NALF1: variants seen among roughly 807,000 people sequenced by gnomAD.
The protein encoded by NALF1 is NALCN channel auxiliary factor 1.
Under a neutral mutation model 48.4 loss-of-function variants are expected in NALF1, and 3 were observed. That is an observed-to-expected ratio of 0.06 (90% CI 0.03 to 0.16). The LOEUF (loss-of-function observed/expected upper bound fraction) is 0.16. NALF1 is among the 10% of genes least tolerant of loss of function. The probability of loss-of-function intolerance (pLI) is 1.00; values close to 1 mark genes in which losing one functional copy is unlikely to be tolerated. For synonymous variants in NALF1, 262 were observed against 245.7 expected, an observed-to-expected ratio of 1.07 and a Z score of -0.62; for missense variants, 526 against 571.5, an observed-to-expected ratio of 0.92 and a Z score of 0.81.
intron 1 of NALF1, among the ~76,000 whole-genome samples, chr13:107,500,845 A>G (rs1476015232): frequency 6.6e-6 from 1 of 151,942 alleles, no homozygotes; most frequent in African/African-American, 2.4e-5. Flanking sequence ...TCAGCAAACT[A>G]TTGCAAGAAC....
intron 1 of NALF1, chr13:107,466,283 A>G (rs1377090422): frequency 6.6e-6 from 1 of 152,334 alleles, no homozygotes; most frequent in South Asian, 2.1e-4. Flanking sequence ...CTGCCAAACC[A>G]TATCAATGAC....
intron 1 of NALF1, among the ~76,000 whole-genome samples, chr13:107,266,843 A>C (rs1881049010): frequency 6.6e-6 from 1 of 152,220 alleles, no homozygotes; most frequent in African/African-American, 2.4e-5. Context: ...GTTCACCATG[A>C]GTATTTCCCA....
chr13:107,755,790 T>C (rs1191853618), intron 1 of NALF1, among the ~76,000 whole-genome samples: 1 of 152,112 alleles, frequency 6.6e-6, no homozygotes, highest in Non-Finnish European at 1.5e-5. Flanking sequence ...ATGGCATCAT[T>C]TGTCTCATAA....
chr13:107,562,795 T>C (rs1487759705), intron 1 of NALF1, among the ~76,000 whole-genome samples: 1 of 152,236 alleles, frequency 6.6e-6, no homozygotes, highest in Non-Finnish European at 1.5e-5. Context: ...AGGAGTACCA[T>C]GCAATAATCT....
At chr13:107,790,720 T>C (rs1168910279) in intron 1 of NALF1, among the ~76,000 whole-genome samples, 1 of 152,210 alleles carries the variant, frequency 6.6e-6, no homozygotes, top group Non-Finnish European at 1.5e-5. Flanking sequence ...CCAAGGAGTG[T>C]TAATTTTTAG....
At chr13:107,845,230 G>A (rs1408153798) in intron 1 of NALF1, among the ~76,000 whole-genome samples, 1 of 152,134 alleles carries the variant, frequency 6.6e-6, no homozygotes, top group Non-Finnish European at 1.5e-5. Flanking sequence ...ATGAAAGATT[G>A]CTAATTCCAT....
chr13:107,663,253 CA>C (rs1162841869), intron 1 of NALF1, among the ~76,000 whole-genome samples: 1 of 152,152 alleles, frequency 6.6e-6, no homozygotes, highest in Non-Finnish European at 1.5e-5. Flanking sequence ...TTCATAACAG[CA>C]CATAAAATTC....
rs537896992 is a variant in NALF1 at position 107,465,566 on chromosome 13, G to A, written c.916-254811C>T. Among the ~76,000 whole-genome samples, 3 of 152,146 alleles carry A rather than the reference G, an allele frequency of 2.0e-5. No individual in the cohort carries two copies. In the South Asian group the frequency reaches 6.2e-4, roughly 32 times the overall value. On this transcript the variant is annotated intron_variant, in intron 1 of 2. Transcript: ENST00000375915. ...TCACTGGTATATATAATGTGCTAAT[G>A]CATTCCTTATGTAATGAGCTTCATT...
At position 107,703,811 on chromosome 13, in the gene NALF1, A is replaced by G. The variant is rs140788212; in HGVS notation, c.915+161871T>C. Among the ~76,000 whole-genome samples the G allele has an allele frequency of 4.3e-3, 650 of 151,484 alleles. 17 individuals are homozygous for G. Among genetic ancestry groups the G allele is most frequent in the East Asian group, 0.017 (89 of 5,156 alleles). The stretch of plus-strand genomic sequence containing the variant: ...CTCTCTTTCCTGCCCTGTCCGTGAA[A>G]CCCCCTGTTCCCTACATTTCTTGCA... On this transcript the variant is annotated intron_variant, in intron 1 of 2. Transcript: ENST00000375915.
chr13:107,301,526 T>G (rs1322290482), intron 1 of NALF1, among the ~76,000 whole-genome samples: 1 of 152,184 alleles, frequency 6.6e-6, no homozygotes, highest in Admixed American at 6.5e-5. Flanking sequence ...CCTCCGAGAT[T>G]ACTATGTAAA....
intron 1 of NALF1, among the ~76,000 whole-genome samples, chr13:107,768,056 T>G (rs114300226): frequency 0.042 from 6,341 of 152,212 alleles, 175 homozygotes; most frequent in Middle Eastern, 0.11. Flanking sequence ...AATGCAAACC[T>G]CAGCGCCCTC....
rs116266010 is a variant in NALF1 at position 107,631,399 on chromosome 13, G to A, written c.915+234283C>T. ...TCTGAGAATATAAAACTATAATAAT[G>A]AGTCATATATTTTAAATGGGGAAAA... On this transcript the variant is annotated intron_variant, in intron 1 of 2. Coordinates refer to ENST00000375915, the MANE Select transcript of NALF1 (RefSeq NM_001080396.3). Among the ~76,000 whole-genome samples the A allele has an allele frequency of 2.9e-3, 444 of 152,146 alleles. 3 individuals are homozygous for A. Among genetic ancestry groups the A allele is most frequent in the African/African-American group, 0.01 (425 of 41,486 alleles).
intron 1 of NALF1, among the ~76,000 whole-genome samples, chr13:107,791,751 G>C (rs1878240851): frequency 6.6e-6 from 1 of 150,952 alleles, no homozygotes; most frequent in Non-Finnish European, 1.5e-5. Flanking sequence ...AGGAGTTCCA[G>C]ACCAGCCTGG....
At chr13:107,329,340 T>C (rs1882423915) in intron 1 of NALF1, among the ~76,000 whole-genome samples, 1 of 152,116 alleles carries the variant, frequency 6.6e-6, no homozygotes, top group Non-Finnish European at 1.5e-5. Flanking sequence ...TAATAACAAA[T>C]GTTGTGAAAG....
intron 1 of NALF1, among the ~76,000 whole-genome samples, chr13:107,783,327 C>A (rs1404340084): frequency 2.0e-3 from 305 of 149,060 alleles, no homozygotes; most frequent in African/African-American, 6.5e-3. Flanking sequence ...AAGTGAGGAG[C>A]CCCTCTGCCC....
intron 1 of NALF1, among the ~76,000 whole-genome samples, chr13:107,617,919 G>T (rs567892883): frequency 6.6e-6 from 1 of 152,140 alleles, no homozygotes; most frequent in Non-Finnish European, 1.5e-5. Flanking sequence ...CTCATTCTTG[G>T]AATTGCTTTA....
chr13:107,581,875 T>C (rs996433340), intron 1 of NALF1, among the ~76,000 whole-genome samples: 2 of 152,200 alleles, frequency 1.3e-5, no homozygotes, highest in African/African-American at 2.4e-5. Flanking sequence ...TCACCTATCG[T>C]CTTACACAAA....
At chr13:107,439,328 G>C (rs954570306) in intron 1 of NALF1, among the ~76,000 whole-genome samples, 13 of 152,158 alleles carry the variant, frequency 8.5e-5, no homozygotes, top group Admixed American at 7.2e-4. Context: ...AAGGAAAATG[G>C]TGAGAACATT....
intron 1 of NALF1, among the ~76,000 whole-genome samples, chr13:107,246,350 A>G (rs766893165): frequency 6.6e-6 from 1 of 152,180 alleles, no homozygotes; most frequent in Non-Finnish European, 1.5e-5. Context: ...TATATTTAAC[A>G]ATCTTTTTTC....
Sources: gnomAD v4.1 joint callset for allele counts (sites outside exome capture counted in the v4.1 genomes callset) on GRCh38, gnomAD v4.1.1 for gene constraint, MANE v1.5 for transcripts, NCBI Gene and HGNC (gene_info 2026-07-23, HGNC 2026-07-21) for gene names.